The following NEMF variants were observed in gnomAD, a reference collection of about 807,000 sequenced individuals.
The protein encoded by NEMF is nuclear export mediator factor.
A neutral mutation model predicts 162.2 loss-of-function variants in NEMF; 89 were observed. That is an observed-to-expected ratio of 0.55 (90% CI 0.46 to 0.65). NEMF has a LOEUF of 0.65. Among genes scored for constraint, NEMF ranks in the 30% least tolerant of loss-of-function variants. NEMF has a pLI of 0.00. For synonymous variants in NEMF, 421 were observed against 404.5 expected (o/e 1.04, Z -0.49); for missense variants, 1,133 against 1,261.9 (o/e 0.90, Z 1.55).
At chr14:49,829,496 C>T in intron 11 of NEMF, 70 bp from the exon 12 acceptor site, 1 of 1,226,234 alleles carries the variant, frequency 8.2e-7, no homozygotes, top group South Asian at 1.3e-5. Flanking sequence ...CTCTTACTTC[C>T]CAACACTCAC....
rs1467195256 is a variant in NEMF, at chr14:49,829,225, T to A, written c.1061A>T (p.Asn354Ile). The change falls in exon 13 of 33, where the codon AAC (asparagine) becomes ATC (isoleucine). Residue 354 changes from asparagine (N) to isoleucine (I), a missense_variant. Asn to Ile is a moderately radical substitution (Grantham distance 149). Transcript: ENST00000298310. ...DKLKGELIEM[N>I]LQIVDRAIQV... is the part of the protein sequence containing the mutation. Reference sequence around the variant, plus strand: ...AATGGCTCTGTCAACTATTTGTAGGTTCATTTCTATGAGCTCTCCTTTCAG... The same window carrying A: ...AATGGCTCTGTCAACTATTTGTAGGATCATTTCTATGAGCTCTCCTTTCAG... The A allele has an allele frequency of 1.2e-6, 2 of 1,614,058 alleles. No individual in the cohort carries two copies. The highest frequency in any genetic ancestry group is 1.7e-6 in the Non-Finnish European group (2 of 1,180,034).
At chr14:49,813,934 TA>T in intron 18 of NEMF, 53 bp downstream of exon 18, 2 of 1,107,182 alleles carry the variant, frequency 1.8e-6, no homozygotes, top group Non-Finnish European at 2.8e-6. Context: ...ACAGTCACAC[TA>T]AAAATATTTT....
In NEMF at chr14:49,783,608, G is replaced by GAGAC. The variant is rs1209685289; in HGVS notation, c.*1024_*1027dup. Reference sequence around the variant, plus strand: ...ATGACATCATTTTCCATTCTGTTAAGAGACAGAGGAAAAGTGGGTTAGAGT... The same window carrying GAGAC: ...ATGACATCATTTTCCATTCTGTTAAGAGACAGACAGAGGAAAAGTGGGTTAGAGT... On this transcript the variant is annotated 3_prime_UTR_variant, in exon 33 of 33. Transcript: ENST00000298310. The GAGAC allele has an allele frequency of 6.6e-6, 1 of 152,086 alleles. No individual in the cohort carries two copies. Among genetic ancestry groups the GAGAC allele is most frequent in the African/African-American group, 2.4e-5 (1 of 41,398 alleles). The allele number at this position is 152,086 out of a possible 1,614,324, so 9.4% of individuals were successfully genotyped here. A position where few individuals can be genotyped will look rare whatever the true frequency, so the allele number is the denominator to read the frequency against.
Position 49,786,757 on chromosome 14 carries a change from C to T in NEMF, c.2896-7G>A, listed in dbSNP as rs756457126. ...GATCCAGATCTTGCTCTTCCTGTTC[C>T]GAACATATAAAAATAAAAATGTCAG... On this transcript the variant is annotated splice_region_variant and splice_polypyrimidine_tract_variant and intron_variant, in intron 28 of 32. Transcript: ENST00000298310. 13 of 1,611,296 alleles carry T rather than the reference C, an allele frequency of 8.1e-6. No individual in the cohort carries two copies. In the Admixed American group the frequency reaches 8.4e-5, roughly 10 times the overall value.
intron 6 of NEMF, among the ~76,000 whole-genome samples, chr14:49,836,630 A>T (rs999051346): frequency 2.6e-5 from 4 of 152,158 alleles, no homozygotes; most frequent in Non-Finnish European, 5.9e-5. Context: ...TGGGCAACAG[A>T]GCGAGACCCT....
chr14:49,801,658 G>T (rs1566660899), intron 22 of NEMF: 1 of 152,140 alleles, frequency 6.6e-6, no homozygotes, highest in Non-Finnish European at 1.5e-5. Flanking sequence ...TACAAAAGTA[G>T]TTTAGTGGGA....
rs1248112774 is a variant in NEMF, at chr14:49,783,943, T to TG, written c.*692dup. ...CACAATCCTAAATATTTAAACCCCT[T>TG]GTAGCTGGCCTATAATATATATATA... On this transcript the variant is annotated 3_prime_UTR_variant, in exon 33 of 33. Transcript: ENST00000298310. 1 of 152,154 alleles carries TG rather than the reference T, an allele frequency of 6.6e-6. No individual in the cohort carries two copies. The highest frequency in any genetic ancestry group is 1.5e-5 in the Non-Finnish European group (1 of 68,010). 9.4% of individuals were successfully genotyped at this position (152,154 alleles called of 1,614,324 possible). A position where few individuals can be genotyped will look rare whatever the true frequency, so the allele number is the denominator to read the frequency against.
intron 19 of NEMF, 101 bp from the exon 20 acceptor site, chr14:49,803,395 C>T (rs993429615): frequency 1.4e-6 from 1 of 709,266 alleles, no homozygotes; most frequent in Non-Finnish European, 2.3e-6. Flanking sequence ...GTAAGCCACA[C>T]TGTCTTCTGA....
chr14:49,800,703 A>G lies in NEMF; in HGVS notation c.2096-7T>C. On this transcript the variant is annotated splice_region_variant and splice_polypyrimidine_tract_variant and intron_variant, in intron 22 of 32. Transcript: ENST00000298310. ...CTGCTCGTGTCACCTCCATCTGTAGAATTATCATAAGGAAAGTCAGTGTGG... is the reference window on the plus strand; with the variant it reads ...CTGCTCGTGTCACCTCCATCTGTAGGATTATCATAAGGAAAGTCAGTGTGG... 6.2e-7 allele frequency: 1 copy of G among 1,609,748 alleles called. No individual in the cohort carries two copies. Among genetic ancestry groups the G allele is most frequent in the Admixed American group, 1.7e-5 (1 of 59,650 alleles).
At chr14:49,788,748 A>G (rs879681455) in intron 28 of NEMF, among the ~76,000 whole-genome samples, 6 of 151,898 alleles carry the variant, frequency 4.0e-5, no homozygotes, top group Non-Finnish European at 7.4e-5. Flanking sequence ...TAGTAGAGAC[A>G]GGGTTTCACC....
rs952925446 is a variant in NEMF, at chr14:49,799,615, A to G, written c.2415+21T>C. ...ATTCACTGAGAATCGGATGTTCTTCATAAAACTGAAAATAGCTTACAGAAT... is the reference window on the plus strand; with the variant it reads ...ATTCACTGAGAATCGGATGTTCTTCGTAAAACTGAAAATAGCTTACAGAAT... On this transcript the variant is annotated intron_variant, in intron 24 of 32. Transcript: ENST00000298310. 13 of 1,605,434 alleles carry G rather than the reference A, an allele frequency of 8.1e-6. No individual in the cohort carries two copies. In the African/African-American group the frequency reaches 1.5e-4, roughly 18 times the overall value.
Position 49,792,631 on chromosome 14 carries a change from A to G in NEMF, c.2620-3058T>C, listed in dbSNP as rs549159864. 5.9e-5 allele frequency among the ~76,000 whole-genome samples: 9 copies of G among 152,372 alleles called. No individual in the cohort carries two copies. In the East Asian group the frequency reaches 1.7e-3, roughly 29 times the overall value. ...ACAGGCAGAGACGGTATGAGAAATT[A>G]GAAGCCAATTAATATATTTTTCTCA... On this transcript the variant is annotated intron_variant, in intron 26 of 32. Transcript: ENST00000298310.
At chr14:49,841,196 C>CAAAAAAAA (rs34039009) in intron 4 of NEMF, among the ~76,000 whole-genome samples, 1 of 56,796 alleles carries the variant, frequency 1.8e-5, no homozygotes, top group African/African-American at 7.5e-5. Flanking sequence ...AACTCTGTCT[C>CAAAAAAAA]AAAAAAAAAA....
intron 4 of NEMF, 150 bp downstream of exon 4, chr14:49,845,990 A>T (rs1274997984): frequency 9.9e-6 from 6 of 608,924 alleles, no homozygotes; most frequent in East Asian, 2.9e-5. Flanking sequence ...TTACTGGAAA[A>T]TTTTATTTTA....
chr14:49,797,175 T>C (rs933069238), intron 25 of NEMF, among the ~76,000 whole-genome samples: 8 of 152,176 alleles, frequency 5.3e-5, no homozygotes, highest in Admixed American at 4.6e-4. Flanking sequence ...AATTGTTCAA[T>C]GATTATGTTT....
intron 22 of NEMF, 168 bp from the exon 23 acceptor site, chr14:49,800,864 G>A: frequency 1.6e-6 from 1 of 616,086 alleles, no homozygotes. Context: ...AGAATAACCT[G>A]TATCATGAAT....
intron 26 of NEMF, 79 bp downstream of exon 26, chr14:49,795,712 T>C (rs956879488): frequency 1.8e-5 from 25 of 1,371,534 alleles, no homozygotes; most frequent in Non-Finnish European, 2.3e-5. Flanking sequence ...CTACATTTTC[T>C]ATTTCACTTC....
At position 49,825,895 on chromosome 14, in the gene NEMF, A is replaced by G. The variant is rs753993048; in HGVS notation, c.1549T>C (p.Ser517Pro). The G allele has an allele frequency of 6.2e-7, 1 of 1,608,918 alleles. No homozygotes were observed. ...QTLKEVQTVT[S>P]IQKARKVYWF... is the part of the protein sequence containing the mutation. ...TATACTTTTCTTGCTTTTTGAATAG[A>G]GGTAACAGTCTGAACTTCTTTTAAT... The change falls in exon 16 of 33, where the codon TCT (serine) becomes CCT (proline). Residue 517 changes from serine to proline, a missense_variant. Physicochemically the swap from Ser to Pro is moderately conservative, Grantham distance 74 (BLOSUM62 -1). Transcript: ENST00000298310.
intron 22 of NEMF, chr14:49,800,905 T>G: frequency 2.0e-6 from 1 of 495,346 alleles, no homozygotes; most frequent in Non-Finnish European, 3.5e-6. Context: ...CAAGATCCTT[T>G]ACCACAATAA....
Sources: gnomAD v4.1 joint callset for allele counts (sites outside exome capture counted in the v4.1 genomes callset) on GRCh38, gnomAD v4.1.1 for gene constraint, MANE v1.5 for transcripts, NCBI Gene and HGNC (gene_info 2026-07-23, HGNC 2026-07-21) for gene names.